PKHD1: variants seen among roughly 807,000 people sequenced by gnomAD.
PKHD1 encodes PKHD1 ciliary IPT domain containing fibrocystin/polyductin, also known as fibrocystin.
A neutral mutation model predicts 412.0 loss-of-function variants in PKHD1; 291 were observed. The observed-to-expected ratio is 0.71, with a 90% CI of 0.64 to 0.78. The LOEUF (loss-of-function observed/expected upper bound fraction) is 0.78, where lower values mean the gene tolerates loss of function less well. Ranked by LOEUF, PKHD1 falls within the 30% of genes least tolerant of loss-of-function variation. The pLI, the probability that PKHD1 is intolerant of heterozygous loss-of-function variation, is 0.00. For missense variants in PKHD1, 4,825 were observed against 4,950.7 expected (o/e 0.97, Z 0.76); for synonymous variants, 1,777 against 1,821.5 (o/e 0.98, Z 0.62).
intron 60 of PKHD1, among the ~76,000 whole-genome samples, chr6:51,660,562 A>G (rs1204550599): frequency 6.6e-6 from 1 of 152,168 alleles, no homozygotes; most frequent in Non-Finnish European, 1.5e-5. Flanking sequence ...ACAACTGGCT[A>G]TATAAATCAG....
chr6:51,664,329 G>A (rs1773355873), intron 60 of PKHD1, among the ~76,000 whole-genome samples: 1 of 152,150 alleles, frequency 6.6e-6, no homozygotes, highest in African/African-American at 2.4e-5. Context: ...AGGGAGAGAA[G>A]GAGACAGAGG....
intron 43 of PKHD1, among the ~76,000 whole-genome samples, chr6:51,896,418 C>T (rs573976413): frequency 2.6e-5 from 4 of 151,884 alleles, no homozygotes; most frequent in East Asian, 1.9e-4. Flanking sequence ...ACACCTCACA[C>T]GGCAGGGTAC....
At chr6:52,044,896 T>C in intron 25 of PKHD1, 70 bp downstream of exon 25, 1 of 1,571,128 alleles carries the variant, frequency 6.4e-7, no homozygotes, top group Non-Finnish European at 8.8e-7. Context: ...GAGTCCATGT[T>C]ACAAATCAGT....
chr6:51,917,261 A>G (rs1400243692), intron 37 of PKHD1, among the ~76,000 whole-genome samples: 1 of 152,110 alleles, frequency 6.6e-6, no homozygotes, highest in Admixed American at 6.6e-5. Context: ...TGTTTGCATC[A>G]GAATAAAGGA....
chr6:52,043,156 A>G, intron 26 of PKHD1, 22 bp from the exon 27 acceptor site: 1 of 1,564,162 alleles, frequency 6.4e-7, no homozygotes, highest in South Asian at 1.1e-5. Context: ...AAAGAAATTA[A>G]AAAACAAATA....
chr6:52,056,332 C>G (rs949109764), intron 18 of PKHD1, among the ~76,000 whole-genome samples: 4 of 152,262 alleles, frequency 2.6e-5, no homozygotes. Flanking sequence ...CTTAAGACTA[C>G]TTTCTTAAGT....
intron 33 of PKHD1, among the ~76,000 whole-genome samples, chr6:52,019,653 C>T (rs956510): frequency 0.46 from 69,508 of 152,040 alleles, 17,515 homozygotes; most frequent in Admixed American, 0.58. Context: ...TAAATAGCTG[C>T]GTGACCTTAA....
At chr6:51,852,579 G>A (rs9370069) in intron 49 of PKHD1, among the ~76,000 whole-genome samples, 61,167 of 151,890 alleles carry the variant, frequency 0.4, 13,502 homozygotes, top group East Asian at 0.85. Flanking sequence ...ATCAATCTGG[G>A]TGCTCCTGTA....
intron 8 of PKHD1, 136 bp from the exon 9 acceptor site, chr6:52,071,206 A>C: frequency 4.2e-6 from 3 of 716,692 alleles, no homozygotes; most frequent in Non-Finnish European, 5.2e-6. Flanking sequence ...AAGTATAATG[A>C]GTTCATTAGG....
intron 53 of PKHD1, among the ~76,000 whole-genome samples, chr6:51,785,036 C>A (rs1391870563): frequency 6.6e-6 from 1 of 152,026 alleles, no homozygotes; most frequent in Non-Finnish European, 1.5e-5. Context: ...TTGTCTGTTT[C>A]CCCCAATAAA....
rs77094816 is a variant in PKHD1, at chr6:51,831,324, T to A, written c.8174-335A>T. Reference sequence around the variant, plus strand: ...CTACCTTGCAATAACTACCTTTTATTTCTGTTTCCTTCCAGAATTTCTCAG... The same window carrying A: ...CTACCTTGCAATAACTACCTTTTATATCTGTTTCCTTCCAGAATTTCTCAG... On this transcript the variant is annotated intron_variant, in intron 51 of 66. Transcript: ENST00000371117. Among the ~76,000 whole-genome samples, 3,603 of 152,272 alleles carry A rather than the reference T, an allele frequency of 0.024. 153 individuals carry two copies. Among genetic ancestry groups the A allele is most frequent in the African/African-American group, 0.079 (3,304 of 41,562 alleles).
At chr6:51,667,223 T>G (rs1159482934) in intron 60 of PKHD1, among the ~76,000 whole-genome samples, 4 of 144,074 alleles carry the variant, frequency 2.8e-5, no homozygotes, top group African/African-American at 1.0e-4. Flanking sequence ...CCTGACTTTT[T>G]AATGATTGCC....
chr6:52,043,567 C>A, intron 26 of PKHD1, 58 bp downstream of exon 26: 1 of 1,260,616 alleles, frequency 7.9e-7, no homozygotes, highest in Non-Finnish European at 1.2e-6. Context: ...TGGCCTCTAA[C>A]AAAATCACTG....
At position 51,747,818 on chromosome 6, in the gene PKHD1, A is replaced by G. The variant is rs1215355686; in HGVS notation, c.9798T>C (p.Asp3266=). 2 of 1,613,908 alleles carry G rather than the reference A, an allele frequency of 1.2e-6. No homozygotes were observed. The highest frequency in any genetic ancestry group is 1.7e-5 in the Admixed American group (1 of 59,974). Residue 3266 remains aspartate (D), a synonymous_variant, in exon 58 of 67, where the codon GAT becomes GAC. Coordinates refer to ENST00000371117, the MANE Select transcript of PKHD1 (RefSeq NM_138694.4). The part of the protein sequence containing the change: ...PQEPWHKVRN[D]HSISGIMKLQ... ...GTTTCATGATTCCTGAAATTGAATG[A>G]TCATTCCTCACTTTGTGCCATGGCT...
At chr6:51,799,811 A>C (rs932944702) in intron 52 of PKHD1, among the ~76,000 whole-genome samples, 1 of 152,176 alleles carries the variant, frequency 6.6e-6, no homozygotes, top group Non-Finnish European at 1.5e-5. Flanking sequence ...CTTTCCATAA[A>C]ATTACTCAAG....
chr6:51,989,901 GAGGA>G (rs1562072321), intron 35 of PKHD1, among the ~76,000 whole-genome samples: 17 of 2,738 alleles, frequency 6.2e-3, no homozygotes, highest in African/African-American at 8.1e-3. Context: ...AGGAAGGAGG[GAGGA>G]AGGAAGGAAG....
chr6:51,736,101 C>T (rs73426006), intron 60 of PKHD1, among the ~76,000 whole-genome samples: 2,987 of 152,186 alleles, frequency 0.02, 93 homozygotes, highest in African/African-American at 0.069. Flanking sequence ...AATGAGGTAA[C>T]TCATTGAAAG....
At chr6:51,680,932 G>C (rs1253978730) in intron 60 of PKHD1, among the ~76,000 whole-genome samples, 2 of 151,960 alleles carry the variant, frequency 1.3e-5, no homozygotes, top group East Asian at 3.9e-4. Context: ...AGAACCAGTA[G>C]GGGGACAGAA....
chr6:51,725,291 T>G (rs889003292), intron 60 of PKHD1, among the ~76,000 whole-genome samples: 3 of 152,220 alleles, frequency 2.0e-5, no homozygotes, highest in African/African-American at 7.2e-5. Context: ...TAAACAGGAC[T>G]GAACAATTGC....
Sources: allele counts gnomAD v4.1 joint callset (sites outside exome capture counted in the v4.1 genomes callset), GRCh38; gene constraint gnomAD v4.1.1; transcripts MANE v1.5; gene names NCBI Gene and HGNC (gene_info 2026-07-23, HGNC 2026-07-21).